MYCBP2: variants seen among roughly 807,000 people sequenced by gnomAD.
MYCBP2 encodes the protein E3 ubiquitin-protein ligase MYCBP2.
MYCBP2 carries 120 observed loss-of-function variants against 525.3 expected under a neutral mutation model. The observed-to-expected ratio is 0.23, with a 90% CI of 0.20 to 0.27. The LOEUF is 0.27. MYCBP2 is among the 10% of genes least tolerant of loss of function. MYCBP2 has a pLI of 1.00. For synonymous variants in MYCBP2, 1,894 were observed against 1,955.8 expected (o/e 0.97, Z 0.83); for missense variants, 4,149 against 5,657.1 (o/e 0.73, Z 8.55).
chr13:77,195,591 T>A (rs1595328988), intron 26 of MYCBP2, among the ~76,000 whole-genome samples: 4 of 151,216 alleles, frequency 2.6e-5, no homozygotes, highest in Admixed American at 2.6e-4. Context: ...AAGAGACTCT[T>A]AAAAAAAAAT....
chr13:77,172,210 T>A (rs2059211970), intron 37 of MYCBP2, among the ~76,000 whole-genome samples: 1 of 152,104 alleles, frequency 6.6e-6, no homozygotes, highest in Non-Finnish European at 1.5e-5. Context: ...CCTGAATTTT[T>A]TTTTTTTTTT....
At chr13:77,204,117 A>G (rs1331660101) in intron 26 of MYCBP2, among the ~76,000 whole-genome samples, 1 of 150,328 alleles carries the variant, frequency 6.7e-6, no homozygotes, top group Non-Finnish European at 1.5e-5. Context: ...GCAACCTACA[A>G]AATGGGAGAA....
At chr13:77,139,143 G>C in intron 52 of MYCBP2, 53 bp downstream of exon 52, 1 of 1,564,452 alleles carries the variant, frequency 6.4e-7, no homozygotes, top group Middle Eastern at 1.7e-4. Context: ...AGAAAGCTCT[G>C]TAAAACAAAC....
chr13:77,045,568 A>G, intron 82 of MYCBP2, 75 bp from the exon 83 acceptor site: 1 of 856,284 alleles, frequency 1.2e-6, no homozygotes. Context: ...AGAAATATAA[A>G]TCACTGATAG....
intron 69 of MYCBP2, 68 bp downstream of exon 69, chr13:77,070,563 C>CA: frequency 8.6e-7 from 1 of 1,163,398 alleles, no homozygotes; most frequent in Non-Finnish European, 1.3e-6. Context: ...AACAAACAGA[C>CA]AAACAAACAA....
chr13:77,277,077 C>T (rs937845634), intron 4 of MYCBP2, among the ~76,000 whole-genome samples: 2 of 151,834 alleles, frequency 1.3e-5, no homozygotes, highest in Non-Finnish European at 2.9e-5. Flanking sequence ...AGAATGGATA[C>T]AAAGGAAAGT....
chr13:77,149,588 C>T (rs2056155177), intron 47 of MYCBP2, among the ~76,000 whole-genome samples: 1 of 152,122 alleles, frequency 6.6e-6, no homozygotes, highest in South Asian at 2.1e-4. Flanking sequence ...AGACTGTGAT[C>T]ACTCAGGTCT....
intron 3 of MYCBP2, among the ~76,000 whole-genome samples, chr13:77,285,325 C>T (rs1210447772): frequency 6.6e-6 from 1 of 152,160 alleles, no homozygotes. Flanking sequence ...AATTGGTATT[C>T]TAACTAAAAA....
rs138813052 is a variant in MYCBP2, at chr13:77,081,894, G to A, written c.11136C>T (p.Gly3712=). The A allele has an allele frequency of 3.7e-6, 6 of 1,613,512 alleles. No homozygotes were observed. The highest frequency in any genetic ancestry group is 3.3e-5 in the Admixed American group (2 of 59,966). The change falls in exon 64 of 83, where the codon GGC becomes GGT. Residue 3712 remains glycine (G), a synonymous_variant. Transcript: ENST00000544440. This position sits in a 1 kb window ranked among gnomAD's most constrained non-coding sequence, Gnocchi z 4.6. ...TGATGCTAAAACTCTCTTCACTATC[G>A]CCATCATCTGACTTTGACAAAATAT... is the stretch of plus-strand genomic sequence containing the variant. ...INNILSKSDD[G]DSEESFSISI...
intron 1 of MYCBP2, among the ~76,000 whole-genome samples, chr13:77,308,054 C>T (rs1185758863): frequency 1.3e-5 from 2 of 152,148 alleles, no homozygotes; most frequent in African/African-American, 4.8e-5. Flanking sequence ...CAACCCTAAA[C>T]AATAATAGCT....
chr13:77,204,222 C>G (rs1428057979), intron 26 of MYCBP2, among the ~76,000 whole-genome samples: 1 of 152,014 alleles, frequency 6.6e-6, no homozygotes, highest in East Asian at 1.9e-4. Flanking sequence ...ACAACCCCAT[C>G]AAAAAGTGGG....
At chr13:77,248,915 T>C (rs551188044) in intron 15 of MYCBP2, among the ~76,000 whole-genome samples, 10 of 152,170 alleles carry the variant, frequency 6.6e-5, no homozygotes, top group African/African-American at 1.4e-4. Context: ...ATACATACAA[T>C]AGAATATTAT....
At chr13:77,231,816 T>C (rs998155200) in intron 18 of MYCBP2, among the ~76,000 whole-genome samples, 3 of 152,220 alleles carry the variant, frequency 2.0e-5, no homozygotes, top group African/African-American at 4.8e-5. Context: ...TGTGACATAG[T>C]AGAAATCATA....
At chr13:77,143,245 T>A (rs1171369721) in intron 49 of MYCBP2, among the ~76,000 whole-genome samples, 1 of 152,176 alleles carries the variant, frequency 6.6e-6, no homozygotes, top group African/African-American at 2.4e-5. Context: ...TGTGAGGGTG[T>A]TTCCAGACAA....
intron 3 of MYCBP2, among the ~76,000 whole-genome samples, chr13:77,281,924 G>C (rs9530630): frequency 0.58 from 87,435 of 151,980 alleles, 28,524 homozygotes; most frequent in Non-Finnish European, 0.74. Context: ...AGCTCAAAAG[G>C]AAATCAAAAT....
At chr13:77,168,133 T>C (rs1290567868) in intron 40 of MYCBP2, among the ~76,000 whole-genome samples, 1 of 152,208 alleles carries the variant, frequency 6.6e-6, no homozygotes, top group African/African-American at 2.4e-5. Flanking sequence ...AATGCTTATA[T>C]CTACTACTAT....
chr13:77,234,633 C>T (rs747877378), intron 17 of MYCBP2, among the ~76,000 whole-genome samples: 2 of 151,820 alleles, frequency 1.3e-5, no homozygotes, highest in African/African-American at 4.8e-5. Context: ...TAATGCAGTA[C>T]CAATTATTTT....
At chr13:77,253,466 T>C (rs2071577762) in intron 14 of MYCBP2, among the ~76,000 whole-genome samples, 1 of 151,996 alleles carries the variant, frequency 6.6e-6, no homozygotes, top group Admixed American at 6.5e-5. Context: ...TAACAATATG[T>C]ATGAACTTCA....
At chr13:77,087,703 T>C in intron 61 of MYCBP2, 70 bp from the exon 62 acceptor site, 1 of 1,315,764 alleles carries the variant, frequency 7.6e-7, no homozygotes, top group Non-Finnish European at 1.1e-6. Context: ...AGAAATAAAG[T>C]ACCTCCATGG....
Sources: gnomAD v4.1 joint callset for allele counts (sites outside exome capture counted in the v4.1 genomes callset) on GRCh38, gnomAD v4.1.1 for gene constraint, Gnocchi (gnomAD v3.1) non-coding constraint, MANE v1.5 for transcripts, NCBI Gene and HGNC (gene_info 2026-07-23, HGNC 2026-07-21) for gene names.